The following ATXN10 variants were observed in gnomAD, a reference collection of about 807,000 sequenced individuals.
ATXN10 encodes ataxin 10.
ATXN10 carries 28 observed loss-of-function variants against 52.9 expected under a neutral mutation model. The ratio of observed to expected loss-of-function variants is 0.53; its 90% confidence interval spans 0.39 to 0.73. The LOEUF (loss-of-function observed/expected upper bound fraction) is 0.73, where lower values mean the gene tolerates loss of function less well. ATXN10 is among the 30% of genes least tolerant of loss of function. ATXN10 has a pLI of 0.00. For missense variants in ATXN10, 565 were observed against 577.0 expected (o/e 0.98, Z 0.21); for synonymous variants, 226 against 221.5 (o/e 1.02, Z -0.18).
intron 9 of ATXN10, among the ~76,000 whole-genome samples, chr22:45,761,355 A>C (rs1926383214): frequency 6.6e-6 from 1 of 152,176 alleles, no homozygotes. Flanking sequence ...TTTGCTCCTC[A>C]TTCTCTCCAG....
rs936863642 is a variant in ATXN10 at position 45,732,320 on chromosome 22, G to T, written c.894+2730G>T. Among the ~76,000 whole-genome samples, 1 of 151,970 alleles carries T rather than the reference G, an allele frequency of 6.6e-6. No homozygotes were observed. Among genetic ancestry groups the T allele is most frequent in the Non-Finnish European group, 1.5e-5 (1 of 67,964 alleles). On this transcript the variant is annotated intron_variant, in intron 7 of 11. Transcript: ENST00000252934. The surrounding 1 kb of genome is among the most constrained non-coding windows in gnomAD (Gnocchi z 4.5). ...AAAAAACACAAAGAATTAGCTGGGT[G>T]TGGTGGTGTGTGCCTGTGTTCCTAG...
intron 9 of ATXN10, among the ~76,000 whole-genome samples, chr22:45,800,182 A>C (rs1927884130): frequency 6.6e-6 from 1 of 152,236 alleles, no homozygotes; most frequent in Admixed American, 6.5e-5. Flanking sequence ...AAAAAATTGA[A>C]AAAACAAGCC....
At chr22:45,680,126 A>C (rs773798386) in intron 1 of ATXN10, 4 of 152,216 alleles carry the variant, frequency 2.6e-5, no homozygotes, top group Non-Finnish European at 4.4e-5. Flanking sequence ...GATGGCCACA[A>C]GCTTAGAGAA....
intron 9 of ATXN10, among the ~76,000 whole-genome samples, chr22:45,792,021 G>A (rs1395227208): frequency 6.6e-6 from 1 of 151,954 alleles, no homozygotes; most frequent in African/African-American, 2.4e-5. Flanking sequence ...ATTCAGATAA[G>A]AACTGACACT....
At chr22:45,695,629 G>A (rs1163675058) in intron 3 of ATXN10, among the ~76,000 whole-genome samples, 1 of 151,834 alleles carries the variant, frequency 6.6e-6, no homozygotes, top group South Asian at 2.1e-4. Flanking sequence ...GAGTAGCTGG[G>A]ATTACAGGCG....
Position 45,732,402 on chromosome 22 carries a change from T to C in ATXN10, c.894+2812T>C, listed in dbSNP as rs1248662154. ...TAAGCCCAGAAGATTGAGGCTGCAGTGAGCTGTGATTGCGCTACTGCATTC... is the reference window on the plus strand; with the variant it reads ...TAAGCCCAGAAGATTGAGGCTGCAGCGAGCTGTGATTGCGCTACTGCATTC... On this transcript the variant is annotated intron_variant, in intron 7 of 11. Coordinates refer to ENST00000252934, the MANE Select transcript of ATXN10 (RefSeq NM_013236.4). The surrounding 1 kb of genome is among the most constrained non-coding windows in gnomAD (Gnocchi z 4.5). Among the ~76,000 whole-genome samples, 1 of 152,038 alleles carries C rather than the reference T, an allele frequency of 6.6e-6. No individual in the cohort carries two copies. Among genetic ancestry groups the C allele is most frequent in the Non-Finnish European group, 1.5e-5 (1 of 67,996 alleles).
At position 45,762,357 on chromosome 22, in the gene ATXN10, A is replaced by G. The variant is rs1328513530; in HGVS notation, c.1173+21819A>G. Among the ~76,000 whole-genome samples, 1 of 152,036 alleles carries G rather than the reference A, an allele frequency of 6.6e-6. No homozygotes were observed. The highest frequency in any genetic ancestry group is 1.5e-5 in the Non-Finnish European group (1 of 68,006). On this transcript the variant is annotated intron_variant, in intron 9 of 11. Coordinates refer to ENST00000252934, the MANE Select transcript of ATXN10 (RefSeq NM_013236.4). The surrounding 1 kb of genome is among the most constrained non-coding windows in gnomAD (Gnocchi z 4.3). ...CACTCCCGCTTCATGACTACATCTC[A>G]TTTTTTATTTATCTTTGTTATGATA...
chr22:45,755,997 A>G (rs1388059830), intron 9 of ATXN10, among the ~76,000 whole-genome samples: 1 of 151,290 alleles, frequency 6.6e-6, no homozygotes, highest in Non-Finnish European at 1.5e-5. Context: ...CTACATAGCC[A>G]CCCACCCACC....
In ATXN10 at chr22:45,678,901, A is replaced by T. The variant is rs1378815837; in HGVS notation, c.116+6722A>T. Reference sequence around the variant, plus strand: ...GTAGCTCACATGCTATTAAATTATTAAATTTAATACATTTGTAATTTGCTA... The same window carrying T: ...GTAGCTCACATGCTATTAAATTATTTAATTTAATACATTTGTAATTTGCTA... On this transcript the variant is annotated intron_variant, in intron 1 of 11. Transcript: ENST00000252934. The surrounding 1 kb of genome is among the most constrained non-coding windows in gnomAD (Gnocchi z 4.1). 1 of 152,224 alleles carries T rather than the reference A, an allele frequency of 6.6e-6. No homozygotes were observed. Among genetic ancestry groups the T allele is most frequent in the Admixed American group, 6.5e-5 (1 of 15,286 alleles). 9.4% of individuals were successfully genotyped at this position (152,224 alleles called of 1,614,324 possible).
In ATXN10 at chr22:45,715,639, G is replaced by A. The variant is rs569103212; in HGVS notation, c.648-2774G>A. Among the ~76,000 whole-genome samples, 2 of 152,324 alleles carry A rather than the reference G, an allele frequency of 1.3e-5. No homozygotes were observed. The highest frequency in any genetic ancestry group is 1.9e-4 in the East Asian group (1 of 5,194). On this transcript the variant is annotated intron_variant, in intron 5 of 11. Coordinates refer to ENST00000252934, the MANE Select transcript of ATXN10 (RefSeq NM_013236.4). The surrounding 1 kb of genome is among the most constrained non-coding windows in gnomAD (Gnocchi z 4.4). ...CAGGGAAGCCAAAAGATTGGACACC[G>A]CTGATACAGATGATCTTGGTAGTAC...
At chr22:45,756,008 T>C (rs755326626) in intron 9 of ATXN10, among the ~76,000 whole-genome samples, 2 of 151,626 alleles carry the variant, frequency 1.3e-5, no homozygotes, top group African/African-American at 4.8e-5. Flanking sequence ...CCCACCCACC[T>C]CCTCCTTCTG....
rs1221682338 is a variant in ATXN10, at chr22:45,774,966, CA to C, written c.1174-31992del. Among the ~76,000 whole-genome samples the C allele has an allele frequency of 3.3e-5, 5 of 152,122 alleles. No homozygotes were observed. The highest frequency in any genetic ancestry group is 1.2e-4 in the African/African-American group (5 of 41,432). On this transcript the variant is annotated intron_variant, in intron 9 of 11. Coordinates refer to ENST00000252934, the MANE Select transcript of ATXN10 (RefSeq NM_013236.4). The surrounding 1 kb of genome is among the most constrained non-coding windows in gnomAD (Gnocchi z 6.2). Reference sequence around the variant, plus strand: ...AAACAAACAAATAAATAAATAAAGGCAGGGGTCGGAGAAACACTAAAGTTTT... The same window carrying C: ...AAACAAACAAATAAATAAATAAAGGCGGGGTCGGAGAAACACTAAAGTTTT...
At chr22:45,788,039 G>A (rs1927378585) in intron 9 of ATXN10, among the ~76,000 whole-genome samples, 1 of 152,172 alleles carries the variant, frequency 6.6e-6, no homozygotes, top group Non-Finnish European at 1.5e-5. Flanking sequence ...TCTCTCCTGA[G>A]ACCTTTATGT....
At chr22:45,809,459 A>G (rs1457311494) in intron 10 of ATXN10, among the ~76,000 whole-genome samples, 1 of 151,954 alleles carries the variant, frequency 6.6e-6, no homozygotes, top group Non-Finnish European at 1.5e-5. Flanking sequence ...TCTCTTAGCT[A>G]TTTCTTCTAG....
chr22:45,815,775 A>G (rs540178452), intron 10 of ATXN10, among the ~76,000 whole-genome samples: 52 of 152,256 alleles, frequency 3.4e-4, no homozygotes, highest in African/African-American at 1.2e-3. Flanking sequence ...TCTCACTCCA[A>G]GGCTTTGGTC....
At chr22:45,689,519 CAAG>C in intron 1 of ATXN10, 190 bp from the exon 2 acceptor site, 1 of 611,852 alleles carries the variant, frequency 1.6e-6, no homozygotes, top group Non-Finnish European at 2.9e-6. Context: ...TGAGAAGTGA[CAAG>C]AACAGTGTCT....
intron 6 of ATXN10, among the ~76,000 whole-genome samples, chr22:45,720,302 T>G (rs1161824919): frequency 2.0e-5 from 3 of 152,088 alleles, no homozygotes; most frequent in Non-Finnish European, 4.4e-5. Context: ...TAATATAAAG[T>G]TTACTATTGT....
At position 45,762,750 on chromosome 22, in the gene ATXN10, T is replaced by A. The variant is rs1354877540; in HGVS notation, c.1173+22212T>A. ...TGGTGACCTCACATGGCCCCAGCCA[T>A]CTCTCCACATCCTCCCCTCCCTGCT... On this transcript the variant is annotated intron_variant, in intron 9 of 11. Coordinates refer to ENST00000252934, the MANE Select transcript of ATXN10 (RefSeq NM_013236.4). The surrounding 1 kb of genome is among the most constrained non-coding windows in gnomAD (Gnocchi z 4.3). 6.6e-6 allele frequency among the ~76,000 whole-genome samples: 1 copy of A among 152,156 alleles called. No homozygotes were observed. Among genetic ancestry groups the A allele is most frequent in the Non-Finnish European group, 1.5e-5 (1 of 68,020 alleles).
chr22:45,700,444 A>G, intron 4 of ATXN10, 66 bp downstream of exon 4: 1 of 1,349,276 alleles, frequency 7.4e-7, no homozygotes, highest in Non-Finnish European at 1.1e-6. Flanking sequence ...TCCATTTTAT[A>G]TAAAGTTCGA....
Sources: gnomAD v4.1 joint callset for allele counts (sites outside exome capture counted in the v4.1 genomes callset) on GRCh38, gnomAD v4.1.1 for gene constraint, Gnocchi (gnomAD v3.1) non-coding constraint, MANE v1.5 for transcripts, NCBI Gene and HGNC (gene_info 2026-07-23, HGNC 2026-07-21) for gene names.